The following KIF26B variants were observed in gnomAD, a reference collection of about 807,000 sequenced individuals.
KIF26B encodes kinesin family member 26B, also known as kinesin-like protein KIF26B.
Under a neutral mutation model 151.2 loss-of-function variants are expected in KIF26B, and 63 were observed. The observed-to-expected ratio is 0.42, with a 90% CI of 0.34 to 0.51. The LOEUF (loss-of-function observed/expected upper bound fraction) is 0.51, where lower values mean the gene tolerates loss of function less well. Ranked by LOEUF, KIF26B falls within the 20% of genes least tolerant of loss-of-function variation. KIF26B has a pLI of 0.07. For missense variants in KIF26B, 2,813 were observed against 2,913.6 expected, an observed-to-expected ratio of 0.97 and a Z score of 0.79; for synonymous variants, 1,357 against 1,262.1, an observed-to-expected ratio of 1.08 and a Z score of -1.59.
chr1:245,514,183 C>T (rs2103085767), intron 4 of KIF26B, among the ~76,000 whole-genome samples: 1 of 152,192 alleles, frequency 6.6e-6, no homozygotes, highest in East Asian at 1.9e-4. Context: ...TATTTTAAAA[C>T]AATGTGTTGT....
At chr1:245,173,296 G>A (rs932278298) in intron 2 of KIF26B, among the ~76,000 whole-genome samples, 10 of 152,188 alleles carry the variant, frequency 6.6e-5, no homozygotes, top group Admixed American at 6.5e-4. Context: ...CACAATGGTG[G>A]GGGCGTACAT....
At chr1:245,481,289 G>A (rs73133690) in intron 4 of KIF26B, among the ~76,000 whole-genome samples, 1,946 of 151,960 alleles carry the variant, frequency 0.013, 54 homozygotes, top group African/African-American at 0.045. Flanking sequence ...GAGAATGCCC[G>A]TAGCCACCAG....
At chr1:245,555,793 A>C (rs1190013455) in intron 5 of KIF26B, among the ~76,000 whole-genome samples, 2 of 152,084 alleles carry the variant, frequency 1.3e-5, no homozygotes, top group Non-Finnish European at 2.9e-5. Context: ...GGAGCCCTTC[A>C]CCCAATCCGT....
chr1:245,625,336 T>C (rs949524651), intron 9 of KIF26B, among the ~76,000 whole-genome samples: 2 of 152,204 alleles, frequency 1.3e-5, no homozygotes, highest in Middle Eastern at 3.2e-3. Flanking sequence ...AGGATTCTGA[T>C]TGGGATTGCA....
chr1:245,288,025 C>G (rs776849565), intron 2 of KIF26B, among the ~76,000 whole-genome samples: 1 of 151,996 alleles, frequency 6.6e-6, no homozygotes, highest in Non-Finnish European at 1.5e-5. Flanking sequence ...AATCCACCAG[C>G]AGAATCAAGT....
At chr1:245,435,039 C>T (rs991844999) in intron 4 of KIF26B, among the ~76,000 whole-genome samples, 2 of 144,910 alleles carry the variant, frequency 1.4e-5, no homozygotes, top group Non-Finnish European at 3.0e-5. Context: ...ACCCATTCAT[C>T]CATCCATCCA....
chr1:245,426,671 C>T (rs907181410), intron 4 of KIF26B, among the ~76,000 whole-genome samples: 6 of 152,208 alleles, frequency 3.9e-5, no homozygotes, highest in Admixed American at 2.6e-4. Flanking sequence ...AACCAAGCCC[C>T]GCTCAGGCCC....
chr1:245,326,825 G>A (rs891163613), intron 2 of KIF26B, among the ~76,000 whole-genome samples: 1 of 152,198 alleles, frequency 6.6e-6, no homozygotes, highest in Non-Finnish European at 1.5e-5. Context: ...TCATAGAACC[G>A]GGAGGTGATG....
chr1:245,359,528 C>T (rs571292328), intron 2 of KIF26B, among the ~76,000 whole-genome samples: 2 of 152,172 alleles, frequency 1.3e-5, no homozygotes, highest in African/African-American at 4.8e-5. Context: ...ATGAACGCCT[C>T]TTGGAGTGTT....
intron 2 of KIF26B, among the ~76,000 whole-genome samples, chr1:245,246,481 C>T (rs1023428073): frequency 1.3e-5 from 2 of 152,204 alleles, no homozygotes; most frequent in African/African-American, 4.8e-5. Context: ...AGCTGCTGCT[C>T]TGAGTCCCAG....
At chr1:245,245,448 A>G (rs1670309438) in intron 2 of KIF26B, among the ~76,000 whole-genome samples, 1 of 152,164 alleles carries the variant, frequency 6.6e-6, no homozygotes. Flanking sequence ...AGCAGAGGGT[A>G]GGGCTTTATT....
chr1:245,247,089 C>T (rs1670348553), intron 2 of KIF26B, among the ~76,000 whole-genome samples: 1 of 152,094 alleles, frequency 6.6e-6, no homozygotes, highest in Non-Finnish European at 1.5e-5. Context: ...GTGTAAATCA[C>T]TTAGTTTTCT....
intron 4 of KIF26B, among the ~76,000 whole-genome samples, chr1:245,526,299 G>A (rs1572106493): frequency 1.3e-5 from 2 of 152,150 alleles, no homozygotes; most frequent in Non-Finnish European, 2.9e-5. Flanking sequence ...GAAAGGAGGG[G>A]ATGTGAATTT....
intron 4 of KIF26B, among the ~76,000 whole-genome samples, chr1:245,537,078 A>G (rs752162253): frequency 2.6e-5 from 4 of 152,216 alleles, no homozygotes; most frequent in Non-Finnish European, 5.9e-5. Context: ...TGGGAGACAC[A>G]TGGATGCAGC....
intron 2 of KIF26B, among the ~76,000 whole-genome samples, chr1:245,256,667 G>T (rs1414252461): frequency 6.6e-6 from 1 of 152,170 alleles, no homozygotes; most frequent in African/African-American, 2.4e-5. Context: ...AATCCAGGCG[G>T]TGATGGGAAT....
intron 2 of KIF26B, among the ~76,000 whole-genome samples, chr1:245,330,812 C>A (rs986225896): frequency 1.2e-4 from 1 of 8,560 alleles, no homozygotes; most frequent in Non-Finnish European, 2.4e-4. Context: ...GGGGGAGAGT[C>A]GGGGGAGAGT....
At chr1:245,174,714 T>C (rs1668773921) in intron 2 of KIF26B, among the ~76,000 whole-genome samples, 1 of 152,134 alleles carries the variant, frequency 6.6e-6, no homozygotes, top group Non-Finnish European at 1.5e-5. Context: ...TGTCAGGCGC[T>C]GTTCTAGGCT....
chr1:245,211,781 G>C (rs973507357), intron 2 of KIF26B, among the ~76,000 whole-genome samples: 1 of 152,170 alleles, frequency 6.6e-6, no homozygotes, highest in Non-Finnish European at 1.5e-5. Flanking sequence ...CCACAAACAG[G>C]GGAAGAACTT....
intron 5 of KIF26B, among the ~76,000 whole-genome samples, chr1:245,576,689 G>A (rs1273546821): frequency 6.6e-6 from 1 of 152,160 alleles, no homozygotes; most frequent in Admixed American, 6.5e-5. Context: ...CTTGGGAAAG[G>A]GGGTTCTTTA....
Sources: gnomAD v4.1 joint callset for allele counts (sites outside exome capture counted in the v4.1 genomes callset) on GRCh38, gnomAD v4.1.1 for gene constraint, MANE v1.5 for transcripts, NCBI Gene and HGNC (gene_info 2026-07-23, HGNC 2026-07-21) for gene names.